Variants in AFAP1L2 observed in about 807,000 individuals in gnomAD.
The protein encoded by AFAP1L2 is actin filament-associated protein 1-like 2.
In AFAP1L2, 46 loss-of-function variants were observed where a neutral mutation model predicts 99.3. That is an observed-to-expected ratio of 0.46 (90% CI 0.37 to 0.59). The LOEUF is 0.59. Among genes scored for constraint, AFAP1L2 ranks in the 20% least tolerant of loss-of-function variants. The pLI, the probability that AFAP1L2 is intolerant of heterozygous loss-of-function variation, is 0.00. For missense variants in AFAP1L2, 959 were observed against 1,034.9 expected (o/e 0.93, Z 1.01); for synonymous variants, 397 against 419.1 (o/e 0.95, Z 0.64).
intron 16 of AFAP1L2, 103 bp from the exon 17 acceptor site, chr10:114,297,516 G>A: frequency 7.9e-7 from 1 of 1,267,270 alleles, no homozygotes; most frequent in Non-Finnish European, 1.1e-6. Flanking sequence ...ACCCGAGAAG[G>A]ACCACAGGTC....
At chr10:114,290,817 G>A (rs1020293159), downstream of AFAP1L2, among the ~76,000 whole-genome samples, 9 of 152,178 alleles carry the variant, frequency 5.9e-5, no homozygotes, top group Admixed American at 4.6e-4. Flanking sequence ...TCAGTAAAAT[G>A]GGAGGAACAG....
At chr10:114,356,939 A>G (rs10736233) in intron 1 of AFAP1L2, among the ~76,000 whole-genome samples, 150,618 of 152,336 alleles carry the variant, frequency 0.99, 74,481 homozygotes, top group East Asian at 1. Flanking sequence ...GGATGAAAAA[A>G]ATGTGGTTAC....
At chr10:114,302,644 A>AC (rs2041415316) in intron 11 of AFAP1L2, among the ~76,000 whole-genome samples, 160 bp from the exon 12 acceptor site, 1 of 150,920 alleles carries the variant, frequency 6.6e-6, no homozygotes, top group Non-Finnish European at 1.5e-5. Context: ...AGCCTATCCC[A>AC]CCCCCCAGTG....
intron 5 of AFAP1L2, among the ~76,000 whole-genome samples, chr10:114,315,972 C>T (rs2044072294): frequency 6.6e-6 from 1 of 152,246 alleles, no homozygotes; most frequent in South Asian, 2.1e-4. Flanking sequence ...TTCTTGGATG[C>T]TGCCTGTGGC....
At position 114,351,233 on chromosome 10, in the gene AFAP1L2, C is replaced by T. The variant is rs558755914; in HGVS notation, c.17-10502G>A. Among the ~76,000 whole-genome samples the T allele has an allele frequency of 1.1e-4, 17 of 152,266 alleles. No individual in the cohort carries two copies. In the South Asian group the frequency reaches 3.3e-3, roughly 30 times the overall value. On this transcript the variant is annotated intron_variant, in intron 1 of 18. Coordinates refer to ENST00000304129, the MANE Select transcript of AFAP1L2 (RefSeq NM_001001936.3). ...TTTTCACTCCTTCTTTATAGCCTCC[C>T]CTGTTCCTCAACACAGAAGAGCATG...
chr10:114,383,069 G>A (rs2137513976), intron 1 of AFAP1L2, among the ~76,000 whole-genome samples: 1 of 152,080 alleles, frequency 6.6e-6, no homozygotes, highest in South Asian at 2.1e-4. Context: ...TTATTATATA[G>A]CCATGAAAGA....
At position 114,315,639 on chromosome 10, in the gene AFAP1L2, A is replaced by ATG. The variant is rs2044003705; in HGVS notation, c.531_532dup (p.Ile178ThrfsTer42). The ATG allele has an allele frequency of 6.2e-7, 1 of 1,613,944 alleles. No homozygotes were observed. ...CTTCTTGCGCCACAGGAAGGCGCAG[A>ATG]TGCGGGCGTCACGCATCAGCTCGAT... On this transcript the variant is annotated frameshift_variant, in exon 6 of 19. Transcript: ENST00000304129. LOFTEE classifies it high-confidence loss of function.
chr10:114,331,583 C>T (rs1462465660), intron 4 of AFAP1L2, among the ~76,000 whole-genome samples: 1 of 152,190 alleles, frequency 6.6e-6, no homozygotes, highest in Admixed American at 6.5e-5. Flanking sequence ...CAAATGTCCC[C>T]AGACCCATCA....
chr10:114,319,794 A>C, intron 5 of AFAP1L2: 1 of 425,862 alleles, frequency 2.3e-6, no homozygotes, highest in Non-Finnish European at 4.2e-6. Flanking sequence ...TGCCCATCAG[A>C]GGTGTAGGCT....
At chr10:114,302,202 G>A (rs2041317811) in intron 12 of AFAP1L2, 137 bp downstream of exon 12, 1 of 1,303,586 alleles carries the variant, frequency 7.7e-7, no homozygotes, top group Non-Finnish European at 1.1e-6. Flanking sequence ...GCTACTCCTT[G>A]GCTTCACATT....
intron 1 of AFAP1L2, among the ~76,000 whole-genome samples, chr10:114,395,626 G>A (rs1018069736): frequency 5.9e-5 from 9 of 152,096 alleles, no homozygotes; most frequent in South Asian, 2.1e-4. Context: ...AGAAAAAAAC[G>A]GGGGGTGGAG....
chr10:114,294,779 AC>A (rs1054074235), downstream of AFAP1L2: 34 of 957,738 alleles, frequency 3.6e-5, no homozygotes, highest in South Asian at 4.8e-5. Context: ...TCCCTTGAGA[AC>A]CCCCCAGGCC....
the AFAP1L2 span, chr10:114,282,520 AAG>A: frequency 1.2e-6 from 2 of 1,613,848 alleles, no homozygotes; most frequent in South Asian, 1.1e-5. Flanking sequence ...TTGTAGCTGG[AAG>A]AGAGTGTTCC....
At chr10:114,355,340 C>T (rs2051193860) in intron 1 of AFAP1L2, among the ~76,000 whole-genome samples, 2 of 151,256 alleles carry the variant, frequency 1.3e-5, no homozygotes, top group African/African-American at 2.4e-5. Context: ...CTGCAAGCTC[C>T]GCCTCCCGGA....
rs145247067 is a variant in AFAP1L2 at position 114,352,927 on chromosome 10, C to T, written c.17-12196G>A. On this transcript the variant is annotated intron_variant, in intron 1 of 18. Transcript: ENST00000304129. ...GTACAGTGGATACCTGTTGCTTTTC[C>T]CCCTTCCCCCTCATCCATTCACTCA... Among the ~76,000 whole-genome samples the T allele has an allele frequency of 5.9e-5, 9 of 152,338 alleles. No individual in the cohort carries two copies. The East Asian group carries it at 1.7e-3, about 29-fold the overall frequency.
chr10:114,290,364 C>T (rs929907768), downstream of AFAP1L2: 8 of 1,550,362 alleles, frequency 5.2e-6, no homozygotes, highest in African/African-American at 8.2e-5. Flanking sequence ...ACTGCGAGAA[C>T]CGTGAGTGGA....
intron 18 of AFAP1L2, chr10:114,296,649 C>T (rs2040277450): frequency 7.0e-6 from 2 of 287,566 alleles, no homozygotes; most frequent in Non-Finnish European, 1.3e-5. Flanking sequence ...CACTGACTGA[C>T]TTTTTGGTTT....
At chr10:114,281,807 T>G in the AFAP1L2 span, 6 of 945,716 alleles carry the variant, frequency 6.3e-6, no homozygotes, top group African/African-American at 8.9e-5. Flanking sequence ...AAGATAGAAT[T>G]ACTATACAAA....
chr10:114,328,890 C>T lies in AFAP1L2; in HGVS notation c.315+2913G>A, dbSNP rs113192859. 3.5e-3 allele frequency among the ~76,000 whole-genome samples: 528 copies of T among 152,342 alleles called. 1 individual carries two copies. The highest frequency in any genetic ancestry group is 6.7e-3 in the Admixed American group (103 of 15,306). ...ACATCCCCACACCACATCTGGAACA[C>T]CCTGGGGTAGAGGTGGGTGCCTTGC... On this transcript the variant is annotated intron_variant, in intron 4 of 18. Transcript: ENST00000304129.
Sources: gnomAD v4.1 joint callset for allele counts (sites outside exome capture counted in the v4.1 genomes callset) on GRCh38, gnomAD v4.1.1 for gene constraint, MANE v1.5 for transcripts, NCBI Gene and HGNC (gene_info 2026-07-23, HGNC 2026-07-21) for gene names.